The following SLC9A9 variants were observed in gnomAD, a reference collection of about 807,000 sequenced individuals.
The protein encoded by SLC9A9 is solute carrier family 9 member A9.
Under a neutral mutation model 77.8 loss-of-function variants are expected in SLC9A9, and 62 were observed. That is an observed-to-expected ratio of 0.80 (90% confidence interval 0.65 to 0.98). SLC9A9 has a LOEUF of 0.98. SLC9A9 is among the 50% of genes least tolerant of loss of function. The pLI, the probability that SLC9A9 is intolerant of heterozygous loss-of-function variation, is 0.00. For synonymous variants in SLC9A9, 320 were observed against 283.5 expected, an observed-to-expected ratio of 1.13 and a Z score of -1.29; for missense variants, 775 against 774.9, an observed-to-expected ratio of 1.00 and a Z score of 0.00.
At chr3:143,677,823 CTTTTTTTTT>C (rs553429664) in intron 5 of SLC9A9, among the ~76,000 whole-genome samples, 6 of 110,270 alleles carry the variant, frequency 5.4e-5, no homozygotes, top group Non-Finnish European at 1.1e-4. Flanking sequence ...TCTTCAGAGT[CTTTTTTTTT>C]TTTTTTTTTT....
At chr3:143,847,828 C>T in intron 1 of SLC9A9, 2 of 385,460 alleles carry the variant, frequency 5.2e-6, no homozygotes, top group South Asian at 2.7e-5. Flanking sequence ...GACTGCAGAG[C>T]CATCACTTCC....
chr3:143,778,710 T>C (rs1472387628), intron 4 of SLC9A9, among the ~76,000 whole-genome samples: 5 of 152,202 alleles, frequency 3.3e-5, no homozygotes, highest in Non-Finnish European at 5.9e-5. Context: ...GGGAGATTTA[T>C]GTACCTTTTT....
rs1559906583 is a variant in SLC9A9, at chr3:143,416,557, A to G, written c.1470-34443T>C. 3.9e-5 allele frequency among the ~76,000 whole-genome samples: 6 copies of G among 152,298 alleles called. No individual in the cohort carries two copies. The South Asian group carries it at 1.2e-3, about 32-fold the overall frequency. ...ATTAGATGATTAGCATTTTTTAGCAACAAAGTTTTTTTTTTAAGGTCTGGA... is the reference window on the plus strand; with the variant it reads ...ATTAGATGATTAGCATTTTTTAGCAGCAAAGTTTTTTTTTTAAGGTCTGGA... On this transcript the variant is annotated intron_variant, in intron 12 of 15. Transcript: ENST00000316549.
intron 4 of SLC9A9, among the ~76,000 whole-genome samples, chr3:143,701,193 A>AAGTCC (rs1933791404): frequency 6.6e-6 from 1 of 152,226 alleles, no homozygotes. Flanking sequence ...GGGTACTATC[A>AAGTCC]AGTCCAGGCT....
chr3:143,841,637 G>C (rs1434851693), intron 1 of SLC9A9, among the ~76,000 whole-genome samples: 4 of 152,070 alleles, frequency 2.6e-5, no homozygotes, highest in African/African-American at 9.7e-5. Context: ...AAACACTGAG[G>C]GGGGAGTCCT....
At chr3:143,776,665 T>C (rs1481793915) in intron 4 of SLC9A9, among the ~76,000 whole-genome samples, 3 of 152,058 alleles carry the variant, frequency 2.0e-5, no homozygotes, top group Admixed American at 2.0e-4. Context: ...ATTAATAAAA[T>C]GAAAAAGACT....
chr3:143,393,242 C>T (rs1221075855), intron 12 of SLC9A9, among the ~76,000 whole-genome samples: 1 of 152,180 alleles, frequency 6.6e-6, no homozygotes, highest in East Asian at 1.9e-4. Flanking sequence ...TTATAACAAA[C>T]TGTCTATCAG....
At chr3:143,578,767 C>A in intron 6 of SLC9A9, 44 bp from the exon 7 acceptor site, 2 of 1,612,422 alleles carry the variant, frequency 1.2e-6, no homozygotes, top group East Asian at 2.2e-5. Flanking sequence ...ACTTTCATCT[C>A]ATAGCCCAGA....
At chr3:143,590,362 A>G (rs1268553535) in intron 6 of SLC9A9, among the ~76,000 whole-genome samples, 6 of 152,352 alleles carry the variant, frequency 3.9e-5, no homozygotes, top group South Asian at 2.1e-4. Context: ...TGCATTAGCT[A>G]TATCTTTCAC....
At chr3:143,528,723 TAGA>T (rs1173636105) in intron 9 of SLC9A9, among the ~76,000 whole-genome samples, 1 of 151,994 alleles carries the variant, frequency 6.6e-6, no homozygotes, top group Non-Finnish European at 1.5e-5. Context: ...TAAAAAGTCC[TAGA>T]AGAAGGCAAA....
chr3:143,300,102 G>A (rs553334902), intron 14 of SLC9A9, among the ~76,000 whole-genome samples: 82 of 152,310 alleles, frequency 5.4e-4, no homozygotes, highest in African/African-American at 1.8e-3. Flanking sequence ...CACACAGGTT[G>A]AGAAAGTCTG....
At chr3:143,287,858 C>A (rs1036676675) in intron 14 of SLC9A9, among the ~76,000 whole-genome samples, 3 of 152,096 alleles carry the variant, frequency 2.0e-5, no homozygotes, top group Non-Finnish European at 4.4e-5. Context: ...CAGAGATAAG[C>A]AATTTGATTT....
At chr3:143,789,955 T>C (rs990179643) in intron 4 of SLC9A9, among the ~76,000 whole-genome samples, 6 of 152,190 alleles carry the variant, frequency 3.9e-5, no homozygotes, top group African/African-American at 1.4e-4. Context: ...CTAGCTGATA[T>C]GGTTTGGCTG....
In SLC9A9 at chr3:143,275,266, C is replaced by G. The variant is rs567553866; in HGVS notation, c.1605-6286G>C. 3.9e-5 allele frequency among the ~76,000 whole-genome samples: 6 copies of G among 152,298 alleles called. 1 individual carries two copies. Among genetic ancestry groups the G allele is most frequent in the African/African-American group, 1.4e-4 (6 of 41,574 alleles). ...ACTTGTGGAAACTTTCTTTCTACCA[C>G]AAATCACATGCTTCCCCCTGCCCCC... is the stretch of plus-strand genomic sequence containing the variant. On this transcript the variant is annotated intron_variant, in intron 14 of 15. Coordinates refer to ENST00000316549, the MANE Select transcript of SLC9A9 (RefSeq NM_173653.4).
In SLC9A9 at chr3:143,629,156, G is replaced by T. The variant is rs528408625; in HGVS notation, c.755+23099C>A. 5.9e-5 allele frequency among the ~76,000 whole-genome samples: 9 copies of T among 152,212 alleles called. No individual in the cohort carries two copies. In the South Asian group the frequency reaches 1.9e-3, roughly 32 times the overall value. On this transcript the variant is annotated intron_variant, in intron 6 of 15. Coordinates refer to ENST00000316549, the MANE Select transcript of SLC9A9 (RefSeq NM_173653.4). The stretch of plus-strand genomic sequence containing the variant: ...ACTGACTCTAATCAGTAACCACACG[G>T]GGGAACCACTAAATAAATAAATGGC...
At chr3:143,389,160 C>T (rs1362498046) in intron 12 of SLC9A9, among the ~76,000 whole-genome samples, 8 of 151,790 alleles carry the variant, frequency 5.3e-5, no homozygotes. Flanking sequence ...TCTCTGTAGG[C>T]AGTAGGGGGT....
intron 14 of SLC9A9, among the ~76,000 whole-genome samples, chr3:143,360,918 A>G (rs999260626): frequency 3.9e-5 from 6 of 152,230 alleles, no homozygotes; most frequent in Non-Finnish European, 8.8e-5. Context: ...ATTGACACTA[A>G]GCAAAGGAGT....
chr3:143,699,280 G>C (rs998889268), intron 4 of SLC9A9, among the ~76,000 whole-genome samples: 1 of 152,054 alleles, frequency 6.6e-6, no homozygotes, highest in African/African-American at 2.4e-5. Context: ...AGAACAGAAG[G>C]CTCCAGTGAT....
chr3:143,663,555 G>C (rs2039014809), intron 5 of SLC9A9, among the ~76,000 whole-genome samples: 1 of 152,180 alleles, frequency 6.6e-6, no homozygotes, highest in Non-Finnish European at 1.5e-5. Context: ...TCACGAAGAA[G>C]TTAAAAACCT....
Sources: allele counts gnomAD v4.1 joint callset (sites outside exome capture counted in the v4.1 genomes callset), GRCh38; gene constraint gnomAD v4.1.1; transcripts MANE v1.5; gene names NCBI Gene and HGNC (gene_info 2026-07-23, HGNC 2026-07-21).